The following COL22A1 variants were observed in gnomAD, a reference collection of about 807,000 sequenced individuals.
COL22A1 encodes the protein collagen alpha-1(XXII) chain.
A neutral mutation model predicts 248.9 loss-of-function variants in COL22A1; 221 were observed. That is an observed-to-expected ratio of 0.89 (90% confidence interval 0.80 to 0.99). The LOEUF (loss-of-function observed/expected upper bound fraction) is 0.99, where lower values mean the gene tolerates loss of function less well. Among genes scored for constraint, COL22A1 ranks in the 50% least tolerant of loss-of-function variants. The pLI is 0.00. For missense variants in COL22A1, 2,240 were observed against 2,179.0 expected (o/e 1.03, Z -0.56); for synonymous variants, 891 against 793.4 (o/e 1.12, Z -2.07).
At chr8:138,682,107 G>A (rs1331719178) in intron 39 of COL22A1, among the ~76,000 whole-genome samples, 1 of 152,152 alleles carries the variant, frequency 6.6e-6, no homozygotes, top group South Asian at 2.1e-4. Context: ...CGTTTATGTT[G>A]TTGAGATACC....
chr8:138,591,251 C>G (rs965400612), intron 64 of COL22A1, among the ~76,000 whole-genome samples, 173 bp downstream of exon 64: 3 of 152,082 alleles, frequency 2.0e-5, no homozygotes, highest in African/African-American at 7.3e-5. Flanking sequence ...TCAAGAAGGT[C>G]GTATTTTAGA....
chr8:138,768,753 T>C (rs1412403650), intron 16 of COL22A1, among the ~76,000 whole-genome samples: 1 of 152,000 alleles, frequency 6.6e-6, no homozygotes, highest in Non-Finnish European at 1.5e-5. Flanking sequence ...CTGGCCAACA[T>C]AGTGAAACCC....
intron 28 of COL22A1, 48 bp from the exon 29 acceptor site, chr8:138,716,337 G>C: frequency 2.9e-6 from 4 of 1,378,464 alleles, no homozygotes; most frequent in Non-Finnish European, 4.0e-6. Flanking sequence ...GGCTCTCCCA[G>C]GGGCCAAGCT....
chr8:138,844,190 G>A (rs1425638260), intron 3 of COL22A1, 32 bp from the exon 4 acceptor site: 1 of 1,597,422 alleles, frequency 6.3e-7, no homozygotes, highest in Admixed American at 1.7e-5. Flanking sequence ...AGAGACTGAT[G>A]AGAAAATGTG....
At chr8:138,657,983 T>C (rs1175566679) in intron 44 of COL22A1, among the ~76,000 whole-genome samples, 1 of 152,170 alleles carries the variant, frequency 6.6e-6, no homozygotes, top group Non-Finnish European at 1.5e-5. Context: ...TGTCATGTCC[T>C]GCTTCCCTCC....
chr8:138,753,967 G>T (rs2131354605), intron 21 of COL22A1, among the ~76,000 whole-genome samples: 1 of 152,290 alleles, frequency 6.6e-6, no homozygotes, highest in South Asian at 2.1e-4. Flanking sequence ...GGTGAAAACA[G>T]GAGAGGCTGC....
chr8:138,807,920 A>T (rs1817864374), intron 9 of COL22A1, 108 bp from the exon 10 acceptor site: 1 of 1,130,138 alleles, frequency 8.8e-7, no homozygotes, highest in Non-Finnish European at 1.3e-6. Flanking sequence ...ATGGCTTAGT[A>T]AGCCCAGCGC....
intron 1 of COL22A1, among the ~76,000 whole-genome samples, chr8:138,903,084 C>T (rs565208733): frequency 3.3e-5 from 5 of 152,196 alleles, no homozygotes; most frequent in East Asian, 1.9e-4. Context: ...CTCATATGAA[C>T]GGATTTATCC....
Position 138,653,866 on chromosome 8 carries a change from C to T in COL22A1, c.3333+2031G>A, listed in dbSNP as rs191990410. Among the ~76,000 whole-genome samples the T allele has an allele frequency of 2.0e-5, 3 of 152,264 alleles. No individual in the cohort carries two copies. In the East Asian group the frequency reaches 5.8e-4, roughly 29 times the overall value. ...AGGAAGATGAACATAGTCTGTTCCC[C>T]AGACCTGGCCAAATCCACTCATCCC... On this transcript the variant is annotated intron_variant, in intron 45 of 64. Transcript: ENST00000303045.
intron 1 of COL22A1, among the ~76,000 whole-genome samples, chr8:138,900,723 T>G (rs1388107889): frequency 6.6e-6 from 1 of 152,200 alleles, no homozygotes; most frequent in African/African-American, 2.4e-5. Context: ...GAGTCATTGA[T>G]CAATTACTTC....
At chr8:138,700,174 A>T in intron 31 of COL22A1, 30 bp from the exon 32 acceptor site, 1 of 1,610,682 alleles carries the variant, frequency 6.2e-7, no homozygotes, top group African/African-American at 1.3e-5. Flanking sequence ...GATTAGAAAG[A>T]TGGGCATCAA....
At chr8:138,772,499 A>T (rs1310364533) in intron 16 of COL22A1, among the ~76,000 whole-genome samples, 1 of 152,080 alleles carries the variant, frequency 6.6e-6, no homozygotes, top group African/African-American at 2.4e-5. Context: ...AGCGTATTTA[A>T]AAAAAAGATT....
chr8:138,736,389 G>A (rs901423835), intron 23 of COL22A1, among the ~76,000 whole-genome samples: 5 of 152,034 alleles, frequency 3.3e-5, no homozygotes, highest in African/African-American at 1.2e-4. Flanking sequence ...GTGGTACCCT[G>A]TGGGGGACCC....
chr8:138,631,101 C>T (rs926113034), intron 49 of COL22A1, among the ~76,000 whole-genome samples: 22 of 152,142 alleles, frequency 1.4e-4, no homozygotes, highest in Admixed American at 7.9e-4. Context: ...AAGTTCCCTG[C>T]GGTCTCATCA....
intron 6 of COL22A1, among the ~76,000 whole-genome samples, chr8:138,825,135 T>C (rs951731797): frequency 6.6e-6 from 1 of 152,124 alleles, no homozygotes. Flanking sequence ...ACCTGTGCAA[T>C]TGGAGATGGA....
intron 22 of COL22A1, among the ~76,000 whole-genome samples, chr8:138,737,935 T>C (rs1038086872): frequency 4.6e-5 from 7 of 152,114 alleles, no homozygotes; most frequent in Non-Finnish European, 1.0e-4. Flanking sequence ...TAGATGCTGG[T>C]TAATTTTCCC....
intron 55 of COL22A1, among the ~76,000 whole-genome samples, chr8:138,615,518 G>T (rs986183735): frequency 2.8e-5 from 4 of 141,742 alleles, no homozygotes; most frequent in Admixed American, 2.2e-4. Context: ...GCGACGGAGT[G>T]AGACTCCATC....
At chr8:138,812,828 G>T in intron 8 of COL22A1, 111 bp downstream of exon 8, 1 of 823,876 alleles carries the variant, frequency 1.2e-6, no homozygotes, top group Non-Finnish European at 2.1e-6. Context: ...TATTCTGATG[G>T]TGGATGTCTC....
intron 22 of COL22A1, among the ~76,000 whole-genome samples, chr8:138,745,826 T>A (rs1170577141): frequency 6.6e-6 from 1 of 152,154 alleles, no homozygotes; most frequent in African/African-American, 2.4e-5. Context: ...CGCCAAAACA[T>A]TCAGGATTCA....
Sources: gnomAD v4.1 joint callset for allele counts (sites outside exome capture counted in the v4.1 genomes callset) on GRCh38, gnomAD v4.1.1 for gene constraint, MANE v1.5 for transcripts, NCBI Gene and HGNC (gene_info 2026-07-23, HGNC 2026-07-21) for gene names.